Variants in CHD1 observed in about 807,000 individuals in gnomAD.
CHD1 encodes chromodomain helicase DNA binding protein 1.
CHD1 carries 36 observed loss-of-function variants against 224.2 expected under a neutral mutation model. That is an observed-to-expected ratio of 0.16 (90% CI 0.12 to 0.21). The LOEUF (loss-of-function observed/expected upper bound fraction) is 0.21, where lower values mean the gene tolerates loss of function less well. CHD1 is among the 10% of genes least tolerant of loss of function. The probability of loss-of-function intolerance (pLI) is 1.00; values close to 1 mark genes in which losing one functional copy is unlikely to be tolerated. For missense variants in CHD1, 1,378 were observed against 1,994.8 expected, an observed-to-expected ratio of 0.69 and a Z score of 5.89; for synonymous variants, 668 against 658.3, an observed-to-expected ratio of 1.01 and a Z score of -0.23.
intron 2 of CHD1, among the ~76,000 whole-genome samples, chr5:98,905,665 AAC>A (rs1162037006): frequency 1.3e-5 from 2 of 152,238 alleles, no homozygotes; most frequent in African/African-American, 4.8e-5. Flanking sequence ...AAAAATCAGT[AAC>A]ACTGCTTGTC....
chr5:98,858,327 T>A lies in CHD1; in HGVS notation c.4640A>T (p.Asp1547Val), dbSNP rs537528110. The change falls in exon 35 of 36, where the codon GAT becomes GTT. Residue 1547 changes from aspartate to valine, a missense_variant. Asp to Val is a radical substitution (Grantham distance 152). Around this residue, in one of 16 missense-constraint regions of CHD1, gnomAD observed 278 missense variants for 298.5 expected, o/e 0.93. Transcript: ENST00000614616. ...ATCATGGTACTGAGTTAAGTGTCTA[T>A]CAGAGGAATAACTGTCCCTGCTGCT... is the stretch of plus-strand genomic sequence containing the variant. ...DDSSRDSYSS[D>V]RHLTQYHDHH... 6.2e-7 allele frequency: 1 copy of A among 1,613,290 alleles called. No individual in the cohort carries two copies. Among genetic ancestry groups the A allele is most frequent in the South Asian group, 1.1e-5 (1 of 91,054 alleles).
rs183246284 is a variant in CHD1, at chr5:98,907,663, T to G, written c.54-2565A>C. ...CTATAGAATGATCTAAGATACAGTT[T>G]AAGTGAAAAAAAGATACCAAATGTT... is the stretch of plus-strand genomic sequence containing the variant. On this transcript the variant is annotated intron_variant, in intron 2 of 35. Coordinates refer to ENST00000614616, the MANE Select transcript of CHD1 (RefSeq NM_001270.4). Among the ~76,000 whole-genome samples the G allele has an allele frequency of 3.3e-5, 5 of 151,980 alleles. No individual in the cohort carries two copies. The East Asian group carries it at 9.6e-4, about 29-fold the overall frequency.
At chr5:98,901,480 A>G in intron 5 of CHD1, 145 bp from the exon 6 acceptor site, 1 of 628,582 alleles carries the variant, frequency 1.6e-6, no homozygotes, top group South Asian at 2.9e-5. Context: ...AATATTTATA[A>G]AACAAAAACA....
intron 14 of CHD1, 97 bp downstream of exon 14, chr5:98,893,319 T>C: frequency 2.8e-6 from 2 of 725,770 alleles, no homozygotes; most frequent in Non-Finnish European, 4.3e-6. Context: ...TCTAATCTTT[T>C]AGGGCAATAA....
chr5:98,928,324 G>A (rs959558969), intron 1 of CHD1, among the ~76,000 whole-genome samples: 10 of 152,010 alleles, frequency 6.6e-5, no homozygotes, highest in Non-Finnish European at 8.8e-5. Context: ...CCGCCGGGCC[G>A]GCGCAAGGAT....
chr5:98,879,846 C>CTTGAA, intron 22 of CHD1, 118 bp from the exon 23 acceptor site: 1 of 608,412 alleles, frequency 1.6e-6, no homozygotes, highest in Non-Finnish European at 2.8e-6. Flanking sequence ...GTGGACTAAA[C>CTTGAA]CAAATATAAC....
chr5:98,868,373 A>G, intron 31 of CHD1, 122 bp downstream of exon 31: 1 of 786,068 alleles, frequency 1.3e-6, no homozygotes, highest in East Asian at 3.2e-5. Context: ...AATTTCAAAT[A>G]CATTGCTTTT....
intron 13 of CHD1, 88 bp from the exon 14 acceptor site, chr5:98,893,694 G>A: frequency 2.4e-6 from 2 of 822,522 alleles, no homozygotes; most frequent in Non-Finnish European, 3.8e-6. Flanking sequence ...TTATTAAAAT[G>A]AAATAAAAAT....
At chr5:98,857,867 T>A (rs1250315540) in intron 35 of CHD1, among the ~76,000 whole-genome samples, 1 of 151,878 alleles carries the variant, frequency 6.6e-6, no homozygotes, top group African/African-American at 2.4e-5. Context: ...TCCCACTTAT[T>A]ATATTTTAAA....
In CHD1 at chr5:98,856,618, C is replaced by T. The variant is rs1748053095; in HGVS notation, c.4895G>A (p.Arg1632His). 8 of 1,613,630 alleles carry T rather than the reference C, an allele frequency of 5.0e-6. No homozygotes were observed. Among genetic ancestry groups the T allele is most frequent in the Non-Finnish European group, 5.9e-6 (7 of 1,179,672 alleles). Residue 1632 changes from arginine (R) to histidine (H), a missense_variant, in exon 36 of 36, where the codon CGT (arginine) becomes CAT (histidine). By Grantham distance (29) the Arg-to-His change is conservative (BLOSUM62 0). Around this residue, in one of 16 missense-constraint regions of CHD1, gnomAD observed 278 missense variants for 298.5 expected, o/e 0.93. Coordinates refer to ENST00000614616, the MANE Select transcript of CHD1 (RefSeq NM_001270.4). ...ATGTAACCGATGATCTGAGTGAGAA[C>T]GATGATCAGAATGAGATCTATCTTT... Reference protein sequence around the residue: ...SLKDRSHSDHRSHSDHRLHSD... With the variant: ...SLKDRSHSDHHSHSDHRLHSD...
chr5:98,881,202 CT>C (rs1750149653), intron 21 of CHD1, 31 bp from the exon 22 acceptor site: 2 of 1,412,194 alleles, frequency 1.4e-6, no homozygotes, highest in African/African-American at 2.9e-5. Context: ...TTTAAATATA[CT>C]TGAATCCTTT....
At chr5:98,918,303 C>T (rs1363658245) in intron 2 of CHD1, among the ~76,000 whole-genome samples, 1 of 151,474 alleles carries the variant, frequency 6.6e-6, no homozygotes, top group Non-Finnish European at 1.5e-5. Flanking sequence ...TTGTGATCCA[C>T]CCGACTCGGC....
At chr5:98,890,957 C>T (rs985318213) in intron 15 of CHD1, among the ~76,000 whole-genome samples, 6 of 152,024 alleles carry the variant, frequency 3.9e-5, no homozygotes, top group East Asian at 1.9e-4. Context: ...TTCGAGTAAA[C>T]GTAAAAAAAT....
At chr5:98,874,756 T>C (rs1357705988) in intron 25 of CHD1, among the ~76,000 whole-genome samples, 4 of 151,708 alleles carry the variant, frequency 2.6e-5, no homozygotes, top group Non-Finnish European at 5.9e-5. Context: ...AGCCCCTCTA[T>C]GGATAAATCT....
chr5:98,884,428 T>A (rs1483130775), intron 18 of CHD1, among the ~76,000 whole-genome samples: 1 of 152,108 alleles, frequency 6.6e-6, no homozygotes, highest in East Asian at 1.9e-4. Flanking sequence ...AAACATTGTA[T>A]GTTCTCACTT....
At position 98,879,627 on chromosome 5, in the gene CHD1, T is replaced by A. The variant is rs1447081289; in HGVS notation, c.3162A>T (p.Arg1054=). The A allele has an allele frequency of 4.3e-6, 7 of 1,609,256 alleles. No homozygotes were observed. Among genetic ancestry groups the A allele is most frequent in the Non-Finnish European group, 5.9e-6 (7 of 1,178,062 alleles). Residue 1054 remains arginine (R), a synonymous_variant, in exon 23 of 36, where the codon CGA becomes CGT. Transcript: ENST00000614616. ...EEIIPEDQRR[R]LEEEERQKEL... ...CCTTTTGTCTTTCTTCTTCTTCTAA[T>A]CGTCTTCTTTGATCTTCTGGAATAA...
intron 30 of CHD1, 196 bp from the exon 31 acceptor site, chr5:98,868,831 T>C: frequency 1.6e-6 from 1 of 624,314 alleles, no homozygotes; most frequent in South Asian, 2.8e-5. Context: ...TCTGTAATGT[T>C]ACTCTGAAGG....
rs1252118295 is a variant in CHD1, at chr5:98,873,586, A to G, written c.3571+7T>C. On this transcript the variant is annotated splice_region_variant and intron_variant, in intron 26 of 35. Coordinates refer to ENST00000614616, the MANE Select transcript of CHD1 (RefSeq NM_001270.4). Reference sequence around the variant, plus strand: ...TCTCTTTTAAATCACTCTCAGTTTAATGTTACCTGTTCGTTCTGTTCCTGA... The same window carrying G: ...TCTCTTTTAAATCACTCTCAGTTTAGTGTTACCTGTTCGTTCTGTTCCTGA... 6.3e-7 allele frequency: 1 copy of G among 1,583,294 alleles called. No homozygotes were observed. Among genetic ancestry groups the G allele is most frequent in the South Asian group, 1.2e-5 (1 of 84,698 alleles).
chr5:98,863,962 A>G (rs546915478), intron 31 of CHD1, among the ~76,000 whole-genome samples: 35 of 152,328 alleles, frequency 2.3e-4, no homozygotes, highest in South Asian at 6.2e-4. Context: ...TATCCACTAA[A>G]TACAGGGTAA....
Sources: allele counts gnomAD v4.1 joint callset (sites outside exome capture counted in the v4.1 genomes callset), GRCh38; gene constraint gnomAD v4.1.1; regional missense constraint gnomAD v4.1.1; transcripts MANE v1.5; gene names NCBI Gene and HGNC (gene_info 2026-07-23, HGNC 2026-07-21).